Variants in GNAI1 observed in about 807,000 individuals in gnomAD.
GNAI1 encodes the protein guanine nucleotide-binding protein G(i) subunit alpha-1.
Under a neutral mutation model 38.9 loss-of-function variants are expected in GNAI1, and 11 were observed. The ratio of observed to expected loss-of-function variants is 0.28; its 90% CI spans 0.18 to 0.47. GNAI1 has a LOEUF of 0.47. GNAI1 is among the 20% of genes least tolerant of loss of function. The probability of loss-of-function intolerance (pLI) is 0.99; values close to 1 mark genes in which losing one functional copy is unlikely to be tolerated. For synonymous variants in GNAI1, 166 were observed against 145.1 expected, an observed-to-expected ratio of 1.14 and a Z score of -1.04; for missense variants, 317 against 436.9, an observed-to-expected ratio of 0.73 and a Z score of 2.45.
chr7:80,217,227 T>TATGAAACTGACTTCAGTTTCATATGC, intron 7 of GNAI1, 76 bp from the exon 8 acceptor site: 2 of 966,662 alleles, frequency 2.1e-6, no homozygotes, highest in Non-Finnish European at 1.5e-6. Context: ...GTTTCATATG[T>TATGAAACTGACTTCAGTTTCATATGC]ATGAAACTGA....
Position 80,192,348 on chromosome 7 carries a change from A to G in GNAI1, c.303+3117A>G, listed in dbSNP as rs554617854. On this transcript the variant is annotated intron_variant, in intron 3 of 7. Transcript: ENST00000649796. Reference sequence around the variant, plus strand: ...GTTTGTTGCTAGTTAGGATCTAAGTATATTTTATAATATCTTTTGCCTAAC... The same window carrying G: ...GTTTGTTGCTAGTTAGGATCTAAGTGTATTTTATAATATCTTTTGCCTAAC... Among the ~76,000 whole-genome samples, 16 of 152,308 alleles carry G rather than the reference A, an allele frequency of 1.1e-4. No individual in the cohort carries two copies. The East Asian group carries it at 1.7e-3, about 17-fold the overall frequency.
At chr7:80,217,220 T>C in intron 7 of GNAI1, 83 bp from the exon 8 acceptor site, 1 of 896,194 alleles carries the variant, frequency 1.1e-6, no homozygotes, top group Non-Finnish European at 1.7e-6. Flanking sequence ...GACTTCAGTT[T>C]CATATGTATG....
chr7:80,177,664 G>A (rs1229210415), intron 1 of GNAI1, among the ~76,000 whole-genome samples: 2 of 152,098 alleles, frequency 1.3e-5, no homozygotes, highest in African/African-American at 4.8e-5. Flanking sequence ...TTTTTGTAGA[G>A]TTGGGGGTCT....
chr7:80,198,877 T>C (rs1379082220), intron 3 of GNAI1, among the ~76,000 whole-genome samples: 4 of 152,200 alleles, frequency 2.6e-5, no homozygotes, highest in African/African-American at 9.6e-5. Context: ...ACATAGGTTC[T>C]TCTTCTGTTT....
At chr7:80,166,362 G>A (rs1242053208) in intron 1 of GNAI1, among the ~76,000 whole-genome samples, 4 of 151,960 alleles carry the variant, frequency 2.6e-5, no homozygotes, top group Admixed American at 2.6e-4. Flanking sequence ...TTGATTGTTG[G>A]AGAAAACAGA....
At chr7:80,153,367 A>G (rs989050835) in intron 1 of GNAI1, among the ~76,000 whole-genome samples, 1 of 152,030 alleles carries the variant, frequency 6.6e-6, no homozygotes, top group Non-Finnish European at 1.5e-5. Context: ...TAATGCTTGT[A>G]TTTTTCTAAT....
chr7:80,189,187 G>T lies in GNAI1; in HGVS notation c.259G>T (p.Ala87Ser). 6.2e-7 allele frequency: 1 copy of T among 1,610,742 alleles called. No homozygotes were observed. The highest frequency in any genetic ancestry group is 8.5e-7 in the Non-Finnish European group (1 of 1,178,970). Reference protein sequence around the residue: ...TIQSIIAIIRAMGRLKIDFGD... With the variant: ...TIQSIIAIIRSMGRLKIDFGD... ...CCAGTCAATTATTGCTATCATTAGG[G>T]CTATGGGGAGGTTGAAGATAGACTT... Residue 87 changes from alanine to serine, a missense_variant, in exon 3 of 8, where the codon GCT (alanine) becomes TCT (serine). Ala to Ser is a moderately conservative substitution (Grantham distance 99). Around this residue, in one of 5 missense-constraint regions of GNAI1, gnomAD observed 67 missense variants for 61.5 expected, o/e 1.09. Coordinates refer to ENST00000649796, the MANE Select transcript of GNAI1 (RefSeq NM_002069.6).
chr7:80,178,293 T>G (rs1246279928), intron 1 of GNAI1, among the ~76,000 whole-genome samples: 1 of 152,196 alleles, frequency 6.6e-6, no homozygotes, highest in African/African-American at 2.4e-5. Context: ...AACAAAGGAT[T>G]TAGAATCTTA....
chr7:80,205,799 AATGGAGTATCCC>A (rs1788764662), intron 5 of GNAI1, among the ~76,000 whole-genome samples: 1 of 152,126 alleles, frequency 6.6e-6, no homozygotes, highest in Non-Finnish European at 1.5e-5. Context: ...TTGGTTTGCA[AATGGAGTATCCC>A]ATGTCGTTAT....
At chr7:80,181,523 G>A (rs1296646246) in intron 1 of GNAI1, among the ~76,000 whole-genome samples, 1 of 152,148 alleles carries the variant, frequency 6.6e-6, no homozygotes, top group Non-Finnish European at 1.5e-5. Context: ...CATCGAGTGG[G>A]TGTGTAGATT....
chr7:80,206,963 CAG>C (rs1457857652), intron 5 of GNAI1, among the ~76,000 whole-genome samples: 1 of 151,996 alleles, frequency 6.6e-6, no homozygotes, highest in Admixed American at 6.6e-5. Flanking sequence ...ACTGAAACTG[CAG>C]AGAGTGAAAC....
Position 80,203,690 on chromosome 7 carries a change from T to G in GNAI1, c.462-14T>G. 6.5e-7 allele frequency: 1 copy of G among 1,544,398 alleles called. No homozygotes were observed. Among genetic ancestry groups the G allele is most frequent in the Non-Finnish European group, 8.9e-7 (1 of 1,128,664 alleles). ...ATTTACCATTAACATGTTGTTTTGT[T>G]TAATTTTTTTCAGCTATTTGAATGA... On this transcript the variant is annotated splice_polypyrimidine_tract_variant and intron_variant, in intron 4 of 7. Transcript: ENST00000649796.
intron 2 of GNAI1, 22 bp downstream of exon 2, chr7:80,189,015 A>G (rs1225547797): frequency 6.2e-7 from 1 of 1,606,484 alleles, no homozygotes. Flanking sequence ...TAAACACCAA[A>G]TTTGCTGTTT....
chr7:80,212,179 T>C (rs1180898923), intron 6 of GNAI1, among the ~76,000 whole-genome samples: 1 of 152,152 alleles, frequency 6.6e-6, no homozygotes, highest in African/African-American at 2.4e-5. Context: ...TTCATTTCTT[T>C]CATTTCAGCA....
In GNAI1 at chr7:80,219,715, ATGGGGAACTTTT is replaced by A. The variant is rs1789039167; in HGVS notation, c.*2224_*2235del. Among the ~76,000 whole-genome samples the A allele has an allele frequency of 6.6e-6, 1 of 152,060 alleles. No homozygotes were observed. The highest frequency in any genetic ancestry group is 2.4e-5 in the African/African-American group (1 of 41,406). On this transcript the variant is annotated 3_prime_UTR_variant, in exon 8 of 8. Transcript: ENST00000649796. Reference sequence around the variant, plus strand: ...AGTACCATCATCATTTATTCCTTCAATGGGGAACTTTTTAGTTTAAGTTCTGGGATACGTGTG... The same window carrying A: ...AGTACCATCATCATTTATTCCTTCAATAGTTTAAGTTCTGGGATACGTGTG...
intron 1 of GNAI1, among the ~76,000 whole-genome samples, chr7:80,163,670 C>CTCA (rs1221021744): frequency 6.6e-6 from 1 of 152,118 alleles, no homozygotes; most frequent in African/African-American, 2.4e-5. Context: ...TTTTGCCTAC[C>CTCA]TCATAGTCAG....
chr7:80,170,664 G>A lies in GNAI1; in HGVS notation c.119-18287G>A, dbSNP rs531748896. ...ACTGGAGTAGGAGGAAGAGAGAGGC[G>A]GGAGGTGATATATACTTGTAAGAAA... is the stretch of plus-strand genomic sequence containing the variant. On this transcript the variant is annotated intron_variant, in intron 1 of 7. Coordinates refer to ENST00000649796, the MANE Select transcript of GNAI1 (RefSeq NM_002069.6). Among the ~76,000 whole-genome samples the A allele has an allele frequency of 8.5e-5, 13 of 152,224 alleles. No individual in the cohort carries two copies. In the South Asian group the frequency reaches 1.2e-3, roughly 15 times the overall value.
At chr7:80,216,499 C>T (rs1235611078) in intron 7 of GNAI1, among the ~76,000 whole-genome samples, 1 of 152,174 alleles carries the variant, frequency 6.6e-6, no homozygotes, top group African/African-American at 2.4e-5. Flanking sequence ...ATTTTTCAAA[C>T]ATTGTTGGAT....
intron 1 of GNAI1, among the ~76,000 whole-genome samples, chr7:80,186,763 C>T (rs1256483151): frequency 1.3e-5 from 2 of 152,082 alleles, no homozygotes; most frequent in African/African-American, 4.8e-5. Flanking sequence ...AGCATGGCAA[C>T]CACTGCCTCA....
Sources: allele counts gnomAD v4.1 joint callset (sites outside exome capture counted in the v4.1 genomes callset), GRCh38; gene constraint gnomAD v4.1.1; regional missense constraint gnomAD v4.1.1; transcripts MANE v1.5; gene names NCBI Gene and HGNC (gene_info 2026-07-23, HGNC 2026-07-21).